The following F13A1 variants were observed in gnomAD, a reference collection of about 807,000 sequenced individuals.
The protein encoded by F13A1 is coagulation factor XIII A chain, also known as FSF, A subunit.
F13A1 carries 47 observed loss-of-function variants against 80.1 expected under a neutral mutation model. That is an observed-to-expected ratio of 0.59 (90% confidence interval 0.46 to 0.75). F13A1 has a LOEUF of 0.75. Among genes scored for constraint, F13A1 ranks in the 30% least tolerant of loss-of-function variants. The pLI is 0.00. For missense variants in F13A1, 817 were observed against 930.4 expected (o/e 0.88, Z 1.59); for synonymous variants, 349 against 344.9 (o/e 1.01, Z -0.13).
At position 6,182,042 on chromosome 6, in the gene F13A1, G is replaced by A. The variant is rs150455213; in HGVS notation, c.1405C>T (p.Gln469Ter). The A allele has an allele frequency of 1.9e-6, 3 of 1,614,134 alleles. No homozygotes were observed. Among genetic ancestry groups the A allele is most frequent in the South Asian group, 1.1e-5 (1 of 91,086 alleles). The change falls in exon 11 of 15, where the codon CAA becomes TAA. Residue 469 changes from glutamine to a stop codon, truncating the protein, a stop_gained. Coordinates refer to ENST00000264870, the MANE Select transcript of F13A1 (RefSeq NM_000129.4). LOFTEE classifies it high-confidence loss of function. ...THIGKLIVTK[Q>*]IGGDGMMDIT... is the part of the protein sequence containing the mutation. ...TCCATCATGCCATCTCCTCCAATTTGTTTGGTCACAATTAATTTCCCAATG... is the reference window on the plus strand; with the variant it reads ...TCCATCATGCCATCTCCTCCAATTTATTTGGTCACAATTAATTTCCCAATG...
At chr6:6,247,934 G>A (rs940843271) in intron 6 of F13A1, among the ~76,000 whole-genome samples, 2 of 152,214 alleles carry the variant, frequency 1.3e-5, no homozygotes, top group African/African-American at 4.8e-5. Context: ...GAGAAAAGCT[G>A]TGCCTTGCAC....
chr6:6,274,908 G>A (rs1490821563), intron 3 of F13A1, among the ~76,000 whole-genome samples: 2 of 152,206 alleles, frequency 1.3e-5, no homozygotes, highest in East Asian at 1.9e-4. Context: ...GGGAATGGCA[G>A]GAAACTCAGG....
At position 6,282,449 on chromosome 6, in the gene F13A1, A is replaced by G. The variant is rs570282587; in HGVS notation, c.320-15640T>C. On this transcript the variant is annotated intron_variant, in intron 3 of 14. Transcript: ENST00000264870. The stretch of plus-strand genomic sequence containing the variant: ...TCAGGATTCATCCAGGTATTAATCA[A>G]TCATTCTATCAATAATAATTTTGGT... Among the ~76,000 whole-genome samples, 9 of 152,356 alleles carry G rather than the reference A, an allele frequency of 5.9e-5. No individual in the cohort carries two copies. The South Asian group carries it at 1.5e-3, about 25-fold the overall frequency.
intron 14 of F13A1, 149 bp downstream of exon 14, chr6:6,151,664 T>G (rs1760377862): frequency 9.4e-7 from 1 of 1,061,476 alleles, no homozygotes; most frequent in African/African-American, 1.6e-5. Context: ...CTAGTTTTAC[T>G]CCACGCCCTA....
chr6:6,200,355 C>T lies in F13A1; in HGVS notation c.1113-3029G>A, dbSNP rs142488735. On this transcript the variant is annotated intron_variant, in intron 8 of 14. Transcript: ENST00000264870. ...GCCGAGGCAGGAGAACTGCTTGAGC[C>T]CAGGAGTTTGAGGCCATCCTGGGCA... 8.3e-3 allele frequency among the ~76,000 whole-genome samples: 1,260 copies of T among 152,090 alleles called. 15 individuals are homozygous for T. Among genetic ancestry groups the T allele is most frequent in the African/African-American group, 0.029 (1,211 of 41,498 alleles).
intron 12 of F13A1, among the ~76,000 whole-genome samples, chr6:6,173,492 C>T (rs1760813884): frequency 6.6e-6 from 1 of 151,596 alleles, no homozygotes; most frequent in African/African-American, 2.4e-5. Flanking sequence ...ACTGCAACCT[C>T]CGCCTCCCGG....
chr6:6,160,061 G>T (rs2151070702), intron 13 of F13A1, among the ~76,000 whole-genome samples: 1 of 152,070 alleles, frequency 6.6e-6, no homozygotes, highest in East Asian at 2.0e-4. Context: ...TGGATCACCT[G>T]AGGTCAGGAG....
intron 6 of F13A1, among the ~76,000 whole-genome samples, chr6:6,245,199 A>T (rs868084255): frequency 9.9e-5 from 15 of 152,170 alleles, no homozygotes; most frequent in Admixed American, 3.3e-4. Context: ...ATAAATATAA[A>T]TATACTGAAC....
rs1758159959 is a variant in F13A1 at position 6,287,837 on chromosome 6, G to T, written c.319+17514C>A. Among the ~76,000 whole-genome samples the T allele has an allele frequency of 2.6e-5, 4 of 152,174 alleles. No homozygotes were observed. The South Asian group carries it at 8.3e-4, about 32-fold the overall frequency. ...AGAACTTGGCCTGTGGATTGTCAGA[G>T]CCCCTATGTGACTAATGAAGCTGTC... On this transcript the variant is annotated intron_variant, in intron 3 of 14. Coordinates refer to ENST00000264870, the MANE Select transcript of F13A1 (RefSeq NM_000129.4).
At chr6:6,248,146 G>A (rs1319426220) in intron 6 of F13A1, among the ~76,000 whole-genome samples, 166 bp downstream of exon 6, 1 of 152,210 alleles carries the variant, frequency 6.6e-6, no homozygotes, top group Non-Finnish European at 1.5e-5. Context: ...CACATGATAA[G>A]CTCAGAAAAT....
At chr6:6,178,725 G>C (rs946138825) in intron 11 of F13A1, among the ~76,000 whole-genome samples, 1 of 152,086 alleles carries the variant, frequency 6.6e-6, no homozygotes. Context: ...AAAGCTTATA[G>C]TCAAAAAGAG....
intron 4 of F13A1, among the ~76,000 whole-genome samples, chr6:6,253,154 AAAAAAAAAAGAG>A (rs1757656631): frequency 7.0e-6 from 1 of 143,648 alleles, no homozygotes; most frequent in Admixed American, 6.8e-5. Context: ...AAAAAAAAAA[AAAAAAAAAAGAG>A]AGAGAGAGAG....
rs748693069 is a variant in F13A1 at position 6,250,925 on chromosome 6, A to G, written c.576T>C (p.Asp192=). ...YILFNPWCED[D]AVYLDNEKER... ...CTTTCTCATTGTCCAGATACACAGC[A>G]TCATCTGCATCAGGGTTTAAACATA... Residue 192 remains aspartate (D), a synonymous_variant, in exon 5 of 15, where the codon GAT becomes GAC. Coordinates refer to ENST00000264870, the MANE Select transcript of F13A1 (RefSeq NM_000129.4). This position sits in a 1 kb window ranked among gnomAD's most constrained non-coding sequence, Gnocchi z 4.2. 2 of 1,595,022 alleles carry G rather than the reference A, an allele frequency of 1.3e-6. No homozygotes were observed. Among genetic ancestry groups the G allele is most frequent in the South Asian group, 1.1e-5 (1 of 90,766 alleles).
At chr6:6,153,960 G>C (rs935021605) in intron 13 of F13A1, among the ~76,000 whole-genome samples, 1 of 152,092 alleles carries the variant, frequency 6.6e-6, no homozygotes, top group Non-Finnish European at 1.5e-5. Context: ...CTGTGGTTCA[G>C]GAAAATAGGT....
rs1310008983 is a variant in F13A1, at chr6:6,198,141, T to C, written c.1113-815A>G. 3.3e-5 allele frequency among the ~76,000 whole-genome samples: 5 copies of C among 152,246 alleles called. No individual in the cohort carries two copies. In the South Asian group the frequency reaches 1.0e-3, roughly 32 times the overall value. On this transcript the variant is annotated intron_variant, in intron 8 of 14. Coordinates refer to ENST00000264870, the MANE Select transcript of F13A1 (RefSeq NM_000129.4). ...ACAATTATGCCTGACTATAATTCTC[T>C]ACAATTTCCATCTCGTGTCCAACAA...
intron 1 of F13A1, among the ~76,000 whole-genome samples, chr6:6,319,210 C>G (rs1758733607): frequency 6.6e-6 from 1 of 152,178 alleles, no homozygotes; most frequent in Non-Finnish European, 1.5e-5. Flanking sequence ...AGGCTGTGAT[C>G]TAGGTACATG....
Position 6,167,544 on chromosome 6 carries a change from A to G in F13A1, c.1822T>C (p.Phe608Leu). Reference sequence around the variant, plus strand: ...GTCTCATTGATGCGAGCTGTGACAAAGAAGTGCAGGGACGCTTGTTCCAGC... The same window carrying G: ...GTCTCATTGATGCGAGCTGTGACAAGGAAGTGCAGGGACGCTTGTTCCAGC... ...QLLEQASLHF[F>L]VTARINETRD... The change falls in exon 13 of 15, where the codon TTT becomes CTT. Residue 608 changes from phenylalanine (F) to leucine (L), a missense_variant. By Grantham distance (22) the Phe-to-Leu change is conservative. Coordinates refer to ENST00000264870, the MANE Select transcript of F13A1 (RefSeq NM_000129.4). 6.2e-7 allele frequency: 1 copy of G among 1,614,118 alleles called. No individual in the cohort carries two copies. Among genetic ancestry groups the G allele is most frequent in the Non-Finnish European group, 8.5e-7 (1 of 1,180,034 alleles).
intron 3 of F13A1, chr6:6,305,036 A>G (rs1356303571): frequency 7.1e-6 from 3 of 424,642 alleles, no homozygotes; most frequent in Non-Finnish European, 1.3e-5. Context: ...GACCAATTAA[A>G]TCATGGAGAT....
intron 14 of F13A1, among the ~76,000 whole-genome samples, chr6:6,149,187 T>C (rs1483201063): frequency 6.6e-6 from 1 of 152,050 alleles, no homozygotes; most frequent in Non-Finnish European, 1.5e-5. Context: ...TATTGTATAT[T>C]ACAAAAGAGC....
Sources: allele counts gnomAD v4.1 joint callset (sites outside exome capture counted in the v4.1 genomes callset), GRCh38; gene constraint gnomAD v4.1.1; non-coding constraint Gnocchi (gnomAD v3.1); transcripts MANE v1.5; gene names NCBI Gene and HGNC (gene_info 2026-07-23, HGNC 2026-07-21).